NRP2: variants seen among roughly 807,000 people sequenced by gnomAD.
NRP2 encodes neuropilin-2.
In NRP2, 52 loss-of-function variants were observed where a neutral mutation model predicts 110.4. That is an observed-to-expected ratio of 0.47 (90% CI 0.38 to 0.59). The LOEUF is 0.59. Among genes scored for constraint, NRP2 ranks in the 20% least tolerant of loss-of-function variants. The pLI is 0.00. For synonymous variants in NRP2, 508 were observed against 468.9 expected (o/e 1.08, Z -1.08); for missense variants, 1,049 against 1,203.0 (o/e 0.87, Z 1.89).
At chr2:205,709,939 C>G (rs2105776213) in intron 2 of NRP2, among the ~76,000 whole-genome samples, 1 of 152,330 alleles carries the variant, frequency 6.6e-6, no homozygotes, top group Admixed American at 6.5e-5. Flanking sequence ...CCCATCTGAA[C>G]TCTTACAAGC....
chr2:205,726,089 G>T lies in NRP2; in HGVS notation c.990+7G>T, dbSNP rs1359704933. On this transcript the variant is annotated splice_region_variant and intron_variant, in intron 6 of 16. Coordinates refer to ENST00000357785, the MANE Select transcript of NRP2 (RefSeq NM_003872.3). The stretch of plus-strand genomic sequence containing the variant: ...CAACAAGGAGTATCTCCAGGTACTT[G>T]TGCAGATACCAGAGGATGTGAGAGT... 1.9e-6 allele frequency: 3 copies of T among 1,614,146 alleles called. No individual in the cohort carries two copies. Among genetic ancestry groups the T allele is most frequent in the Non-Finnish European group, 1.7e-6 (2 of 1,179,960 alleles).
rs147611963 is a variant in NRP2 at position 205,747,344 on chromosome 2, G to A, written c.1786+1454G>A. 5.3e-5 allele frequency among the ~76,000 whole-genome samples: 8 copies of A among 152,236 alleles called. 1 individual carries two copies. The highest frequency in any genetic ancestry group is 1.2e-4 in the African/African-American group (5 of 41,532). ...ACCTCAGAAAAGTTAGTCTCTCAGC[G>A]CCTTGGTTATCTTAGCTGAAAAATG... On this transcript the variant is annotated intron_variant, in intron 10 of 16. Coordinates refer to ENST00000357785, the MANE Select transcript of NRP2 (RefSeq NM_003872.3).
intron 6 of NRP2, among the ~76,000 whole-genome samples, chr2:205,726,320 G>T (rs1290605692): frequency 6.6e-6 from 1 of 152,220 alleles, no homozygotes; most frequent in Non-Finnish European, 1.5e-5. Context: ...CTGGGGAGAA[G>T]TTGTTTGGCC....
At position 205,684,949 on chromosome 2, in the gene NRP2, A is replaced by AGCGCGCACACACTGGCACTCACACTG. The variant is rs1383870931; in HGVS notation, c.73+1599_73+1624dup. 1.6e-3 allele frequency among the ~76,000 whole-genome samples: 241 copies of AGCGCGCACACACTGGCACTCACACTG among 152,300 alleles called. 1 individual carries two copies. Among genetic ancestry groups the AGCGCGCACACACTGGCACTCACACTG allele is most frequent in the African/African-American group, 5.1e-3 (214 of 41,572 alleles). On this transcript the variant is annotated intron_variant, in intron 1 of 16. Transcript: ENST00000357785. ...GGACTCCAGTAGGCCCCAGCGCGCGAGCGCGCACACACTGGCACTCACACT... is the reference window on the plus strand; with the variant it reads ...GGACTCCAGTAGGCCCCAGCGCGCGAGCGCGCACACACTGGCACTCACACTGGCGCGCACACACTGGCACTCACACT...
chr2:205,779,835 T>C (rs975596242), intron 15 of NRP2: 10 of 152,262 alleles, frequency 6.6e-5, no homozygotes, highest in Middle Eastern at 3.4e-3. Context: ...CTGTGGGAGG[T>C]AGGTGGGTTT....
At chr2:205,729,368 C>T (rs1309028570) in intron 7 of NRP2, among the ~76,000 whole-genome samples, 2 of 152,236 alleles carry the variant, frequency 1.3e-5, no homozygotes, top group Admixed American at 6.5e-5. Flanking sequence ...CAGGCCAGGT[C>T]TGGTTTCCCA....
intron 2 of NRP2, among the ~76,000 whole-genome samples, chr2:205,700,056 T>C (rs1351700488): frequency 1.3e-5 from 2 of 152,154 alleles, no homozygotes; most frequent in Admixed American, 6.6e-5. Flanking sequence ...CAAGGTATTT[T>C]TGACATTTCC....
rs766551491 is a variant in NRP2, at chr2:205,722,569, C to T, written c.525C>T (p.Cys175=). 1.2e-4 allele frequency: 198 copies of T among 1,614,100 alleles called. No homozygotes were observed. The East Asian group carries it at 4.4e-3, about 36-fold the overall frequency. ...FPEKYPHNLD[C]TFTILAKPKM... is the part of the protein sequence containing the mutation. ...AGAAGTATCCACACAACTTGGACTG[C>T]ACCTTTACCATCCTGGCCAAACCCA... Residue 175 remains cysteine, a synonymous_variant, in exon 4 of 17, where the codon TGC becomes TGT. Transcript: ENST00000357785.
intron 2 of NRP2, among the ~76,000 whole-genome samples, chr2:205,715,672 C>T (rs532796521): frequency 6.6e-6 from 1 of 152,266 alleles, no homozygotes; most frequent in East Asian, 1.9e-4. Flanking sequence ...AAACAAATGT[C>T]TCTGAAACAT....
At chr2:205,716,156 C>A in intron 2 of NRP2, 37 bp from the exon 3 acceptor site, 5 of 1,607,054 alleles carry the variant, frequency 3.1e-6, no homozygotes, top group South Asian at 1.1e-5. Context: ...TCATGTCCTT[C>A]GAGTGATCTT....
intron 7 of NRP2, among the ~76,000 whole-genome samples, chr2:205,733,331 G>A (rs527579029): frequency 1.3e-3 from 198 of 152,284 alleles, no homozygotes; most frequent in African/African-American, 4.1e-3. Context: ...CCAAGGCCCC[G>A]GCTGTGCACA....
At position 205,683,314 on chromosome 2, in the gene NRP2, G is replaced by C; in HGVS notation, c.24G>C (p.Trp8Cys). The change falls in exon 1 of 17, where the codon TGG becomes TGC. Residue 8 changes from tryptophan (W) to cysteine (C), a missense_variant. Coordinates refer to ENST00000357785, the MANE Select transcript of NRP2 (RefSeq NM_003872.3). MDMFPLTWVFLALYFSRH... is the reference protein window; with the variant it reads MDMFPLTCVFLALYFSRH... ...AAATGGATATGTTTCCTCTCACCTG[G>C]GTTTTCTTAGCCCTCTACTTTTCAA... 6.2e-7 allele frequency: 1 copy of C among 1,613,920 alleles called. No individual in the cohort carries two copies. Among genetic ancestry groups the C allele is most frequent in the Non-Finnish European group, 8.5e-7 (1 of 1,179,854 alleles).
At chr2:205,771,558 C>T (rs1025816353) in intron 15 of NRP2, among the ~76,000 whole-genome samples, 1 of 152,196 alleles carries the variant, frequency 6.6e-6, no homozygotes, top group African/African-American at 2.4e-5. Context: ...AACACTTCTT[C>T]TGGAAACCTG....
intron 2 of NRP2, among the ~76,000 whole-genome samples, chr2:205,714,820 A>G (rs1049408478): frequency 1.3e-5 from 2 of 152,092 alleles, no homozygotes; most frequent in African/African-American, 2.4e-5. Flanking sequence ...CAGGCCTATT[A>G]TTTGAAAGTG....
At chr2:205,770,758 C>T (rs2058009008) in intron 15 of NRP2, among the ~76,000 whole-genome samples, 1 of 152,208 alleles carries the variant, frequency 6.6e-6, no homozygotes, top group Admixed American at 6.5e-5. Flanking sequence ...GTGAATCCTC[C>T]TCCTTGCCCC....
intron 2 of NRP2, among the ~76,000 whole-genome samples, chr2:205,706,859 C>T (rs957783584): frequency 2.6e-5 from 4 of 152,158 alleles, no homozygotes; most frequent in Admixed American, 2.6e-4. Context: ...ACTGATGCCT[C>T]CTCCCACACT....
chr2:205,711,234 G>A (rs546249629), intron 2 of NRP2, among the ~76,000 whole-genome samples: 1 of 152,268 alleles, frequency 6.6e-6, no homozygotes, highest in African/African-American at 2.4e-5. Flanking sequence ...CTACATGCCA[G>A]GCACCAGGGA....
At position 205,749,718 on chromosome 2, in the gene NRP2, T is replaced by C; in HGVS notation, c.1787-7T>C. Reference sequence around the variant, plus strand: ...GCATTCTCTTATCTTCCTTTGCCCTTACACAGACTCCAAGCCCACGGTAGA... The same window carrying C: ...GCATTCTCTTATCTTCCTTTGCCCTCACACAGACTCCAAGCCCACGGTAGA... On this transcript the variant is annotated splice_polypyrimidine_tract_variant and splice_region_variant and intron_variant, in intron 10 of 16. Coordinates refer to ENST00000357785, the MANE Select transcript of NRP2 (RefSeq NM_003872.3). The C allele has an allele frequency of 6.2e-7, 1 of 1,612,520 alleles. No homozygotes were observed. The highest frequency in any genetic ancestry group is 8.5e-7 in the Non-Finnish European group (1 of 1,178,584).
Position 205,764,096 on chromosome 2 carries a change from G to A in NRP2, c.2307+160G>A, listed in dbSNP as rs1050023295. 8 of 904,610 alleles carry A rather than the reference G, an allele frequency of 8.8e-6. No individual in the cohort carries two copies. In the African/African-American group the frequency reaches 1.3e-4, roughly 15 times the overall value. The allele number at this position is 904,610 out of a possible 1,614,324, so 56.0% of individuals were successfully genotyped here. ...CACTCTTATTTGTTATTCAGAATAT[G>A]CCTATCTCTACACCCAGACTTGGTT... On this transcript the variant is annotated intron_variant, in intron 13 of 16. Coordinates refer to ENST00000357785, the MANE Select transcript of NRP2 (RefSeq NM_003872.3).
Sources: gnomAD v4.1 joint callset for allele counts (sites outside exome capture counted in the v4.1 genomes callset) on GRCh38, gnomAD v4.1.1 for gene constraint, MANE v1.5 for transcripts, NCBI Gene and HGNC (gene_info 2026-07-23, HGNC 2026-07-21) for gene names.